Variants in ST6GAL2 observed in about 807,000 individuals in gnomAD.
ST6GAL2 encodes the protein ST6 beta-galactoside alpha-2,6-sialyltransferase 2, also known as beta-galactoside alpha-2,6-sialyltransferase 2.
A neutral mutation model predicts 37.5 loss-of-function variants in ST6GAL2; 24 were observed. That is an observed-to-expected ratio of 0.64 (90% CI 0.46 to 0.90). The LOEUF is 0.90. Among genes scored for constraint, ST6GAL2 ranks in the 40% least tolerant of loss-of-function variants. ST6GAL2 has a pLI of 0.00. For synonymous variants in ST6GAL2, 306 were observed against 295.1 expected (o/e 1.04, Z -0.38); for missense variants, 715 against 712.7 (o/e 1.00, Z -0.04).
intron 5 of ST6GAL2, among the ~76,000 whole-genome samples, chr2:106,820,821 GGAATTTTGGAATTAAAAAGAT>G (rs1245818709): frequency 6.6e-6 from 1 of 151,664 alleles, no homozygotes; most frequent in Non-Finnish European, 1.5e-5. Flanking sequence ...ATTAACAAGA[GGAATTTTGGAATTAAAAAGAT>G]GAATTTTGGA....
chr2:106,832,770 T>G, intron 3 of ST6GAL2, 104 bp from the exon 4 acceptor site: 1 of 761,022 alleles, frequency 1.3e-6, no homozygotes, highest in South Asian at 1.4e-5. Flanking sequence ...AAAAAACAGG[T>G]GGCTCAGACG....
chr2:106,861,742 C>A (rs1677807706), intron 1 of ST6GAL2, among the ~76,000 whole-genome samples: 1 of 151,842 alleles, frequency 6.6e-6, no homozygotes, highest in South Asian at 2.1e-4. Flanking sequence ...GCGATTCTCC[C>A]ACCTCAGCCT....
intron 1 of ST6GAL2, among the ~76,000 whole-genome samples, chr2:106,864,215 T>A (rs909498797): frequency 3.9e-5 from 6 of 152,044 alleles, no homozygotes; most frequent in Non-Finnish European, 8.8e-5. Flanking sequence ...AAAACCAACC[T>A]CTCTCCCTGC....
intron 1 of ST6GAL2, among the ~76,000 whole-genome samples, chr2:106,877,787 C>G (rs1014436422): frequency 6.6e-6 from 1 of 152,244 alleles, no homozygotes; most frequent in African/African-American, 2.4e-5. Flanking sequence ...TCCTACAATT[C>G]TGTTCCCTAC....
At chr2:106,829,121 G>A (rs1256036776) in intron 5 of ST6GAL2, among the ~76,000 whole-genome samples, 2 of 152,182 alleles carry the variant, frequency 1.3e-5, no homozygotes, top group African/African-American at 4.8e-5. Context: ...AACCAAGCAT[G>A]GCATAAGCTA....
chr2:106,833,579 G>A (rs1188188537), intron 3 of ST6GAL2, among the ~76,000 whole-genome samples: 1 of 152,142 alleles, frequency 6.6e-6, no homozygotes, highest in Non-Finnish European at 1.5e-5. Flanking sequence ...AGAACGTGAA[G>A]AAACGAGGTA....
chr2:106,829,160 G>A (rs891892196), intron 5 of ST6GAL2, among the ~76,000 whole-genome samples: 1 of 152,178 alleles, frequency 6.6e-6, no homozygotes, highest in African/African-American at 2.4e-5. Flanking sequence ...GTGGATTCAC[G>A]ATGCTGCACA....
intron 5 of ST6GAL2, among the ~76,000 whole-genome samples, chr2:106,813,638 A>G (rs573127347): frequency 1.5e-4 from 23 of 152,250 alleles, no homozygotes; most frequent in Non-Finnish European, 2.9e-4. Flanking sequence ...CAGAATATTT[A>G]AAATAACATC....
At chr2:106,842,943 G>T in intron 2 of ST6GAL2, 92 bp downstream of exon 2, 2 of 982,586 alleles carry the variant, frequency 2.0e-6, no homozygotes, top group Non-Finnish European at 2.7e-6. Flanking sequence ...AGCTTGCCCC[G>T]TCAGAGATCC....
chr2:106,873,899 A>C (rs187633451), intron 1 of ST6GAL2, among the ~76,000 whole-genome samples: 4 of 152,238 alleles, frequency 2.6e-5, no homozygotes, highest in African/African-American at 7.2e-5. Context: ...TAAATAGATC[A>C]CTAGAATTTG....
chr2:106,873,624 GA>G (rs1440945779), intron 1 of ST6GAL2, among the ~76,000 whole-genome samples: 2 of 152,166 alleles, frequency 1.3e-5, no homozygotes, highest in African/African-American at 2.4e-5. Context: ...CATTAGTTCC[GA>G]ATGCTTTGCT....
chr2:106,854,982 T>C (rs1340142864), intron 1 of ST6GAL2, among the ~76,000 whole-genome samples: 1 of 151,882 alleles, frequency 6.6e-6, no homozygotes, highest in African/African-American at 2.4e-5. Context: ...AGTAACCCTG[T>C]CAGGGACTGA....
chr2:106,843,974 T>C lies in ST6GAL2; in HGVS notation c.4A>G (p.Lys2Glu). The stretch of plus-strand genomic sequence containing the variant: ...TGTCTCCATTGCTTCAAGTGTGGTT[T>C]CATGGCAGGTCTCTGCGGTCAGCAC... MKPHLKQWRQRM... is the reference protein window; with the variant it reads MEPHLKQWRQRM... Residue 2 changes from lysine to glutamate, a missense_variant, in exon 2 of 6, where the codon AAA (lysine) becomes GAA (glutamate). Around this residue, in one of 3 missense-constraint regions of ST6GAL2, gnomAD observed 512 missense variants for 488.8 expected, o/e 1.05. Coordinates refer to ENST00000409382, the MANE Select transcript of ST6GAL2 (RefSeq NM_001142351.2). 1 of 1,569,986 alleles carries C rather than the reference T, an allele frequency of 6.4e-7. No homozygotes were observed. The highest frequency in any genetic ancestry group is 8.6e-7 in the Non-Finnish European group (1 of 1,159,424).
intron 5 of ST6GAL2, among the ~76,000 whole-genome samples, chr2:106,818,953 G>A (rs1367576863): frequency 6.6e-6 from 1 of 152,004 alleles, no homozygotes; most frequent in Non-Finnish European, 1.5e-5. Flanking sequence ...GACATACCAA[G>A]GAATGCATCA....
Position 106,818,128 on chromosome 2 carries a change from T to A in ST6GAL2, c.1319-11179A>T, listed in dbSNP as rs188654781. 1.3e-4 allele frequency among the ~76,000 whole-genome samples: 20 copies of A among 152,250 alleles called. No individual in the cohort carries two copies. The East Asian group carries it at 3.9e-3, about 29-fold the overall frequency. ...CCCAGATGGCATCTCAAGACCCACC[T>A]GGGGCCAGGGGGAACTCACTAGCCT... is the stretch of plus-strand genomic sequence containing the variant. On this transcript the variant is annotated intron_variant, in intron 5 of 5. Transcript: ENST00000409382.
chr2:106,815,332 C>T (rs17033317), intron 5 of ST6GAL2, among the ~76,000 whole-genome samples: 32,970 of 152,088 alleles, frequency 0.22, 4,128 homozygotes, highest in East Asian at 0.49. Flanking sequence ...TAGTCACTTA[C>T]TGCACATAAT....
At position 106,802,317 on chromosome 2, in the gene ST6GAL2, G is replaced by A. The variant is rs757240963; in HGVS notation, c.*4361C>T. 3 of 152,106 alleles carry A rather than the reference G, an allele frequency of 2.0e-5. No individual in the cohort carries two copies. The highest frequency in any genetic ancestry group is 4.4e-5 in the Non-Finnish European group (3 of 68,024). 9.4% of individuals were successfully genotyped at this position (152,106 alleles called of 1,614,324 possible). On this transcript the variant is annotated 3_prime_UTR_variant, in exon 6 of 6. Coordinates refer to ENST00000409382, the MANE Select transcript of ST6GAL2 (RefSeq NM_001142351.2). ...AAAAGCAATATAAAACCAACCATGT[G>A]TGTAGATATGTATATACACAATTAT... is the stretch of plus-strand genomic sequence containing the variant.
chr2:106,814,543 A>C (rs1470794230), intron 5 of ST6GAL2, among the ~76,000 whole-genome samples: 1 of 151,682 alleles, frequency 6.6e-6, no homozygotes. Context: ...CAATAAAAAG[A>C]ATTGGCAATT....
At chr2:106,812,121 T>A (rs1675634108) in intron 5 of ST6GAL2, among the ~76,000 whole-genome samples, 1 of 152,152 alleles carries the variant, frequency 6.6e-6, no homozygotes, top group South Asian at 2.1e-4. Flanking sequence ...GGAGCCCTCA[T>A]GAATGGGATT....
Sources: gnomAD v4.1 joint callset for allele counts (sites outside exome capture counted in the v4.1 genomes callset) on GRCh38, gnomAD v4.1.1 for gene constraint, gnomAD v4.1.1 regional missense constraint, MANE v1.5 for transcripts, NCBI Gene and HGNC (gene_info 2026-07-23, HGNC 2026-07-21) for gene names.